Variants in ATP6V1B1 observed in about 807,000 individuals in gnomAD.
ATP6V1B1 encodes the protein V-type proton ATPase subunit B, kidney isoform.
ATP6V1B1 carries 41 observed loss-of-function variants against 62.1 expected under a neutral mutation model. The observed-to-expected ratio is 0.66, with a 90% CI of 0.51 to 0.86. ATP6V1B1 has a LOEUF of 0.86. Among genes scored for constraint, ATP6V1B1 ranks in the 40% least tolerant of loss-of-function variants. The pLI is 0.00. For synonymous variants in ATP6V1B1, 253 were observed against 273.4 expected, an observed-to-expected ratio of 0.93 and a Z score of 0.74; for missense variants, 651 against 697.5, an observed-to-expected ratio of 0.93 and a Z score of 0.75.
chr2:70,959,076 G>A lies in ATP6V1B1; in HGVS notation c.426G>A (p.Glu142=). 6.2e-7 allele frequency: 1 copy of A among 1,614,144 alleles called. No individual in the cohort carries two copies. Among genetic ancestry groups the A allele is most frequent in the Non-Finnish European group, 8.5e-7 (1 of 1,180,030 alleles). Residue 142 remains glutamate (E), a synonymous_variant, in exon 5 of 14, where the codon GAG becomes GAA. Transcript: ENST00000234396. This position sits in a 1 kb window ranked among gnomAD's most constrained non-coding sequence, Gnocchi z 4.2. ...PIDKGPVVMA[E]DFLDINGQPI... is the part of the protein sequence containing the mutation. ...ACAAGGGGCCAGTGGTCATGGCGGA[G>A]GACTTTCTGGATATCAATGGTGAGT...
At chr2:70,940,830 G>A in intron 1 of ATP6V1B1, 2 of 985,290 alleles carry the variant, frequency 2.0e-6, no homozygotes, top group Non-Finnish European at 2.4e-6. Context: ...ATGAGAAGGA[G>A]CAGATGGGGT....
chr2:70,965,276 C>A lies in ATP6V1B1; in HGVS notation c.*155C>A. On this transcript the variant is annotated 3_prime_UTR_variant, in exon 14 of 14. Coordinates refer to ENST00000234396, the MANE Select transcript of ATP6V1B1 (RefSeq NM_001692.4). Reference sequence around the variant, plus strand: ...GGCGCCGCACGCTCCATCCCTTTCCCTCGCTCGATTCCTTTTCCCGCGCTC... The same window carrying A: ...GGCGCCGCACGCTCCATCCCTTTCCATCGCTCGATTCCTTTTCCCGCGCTC... The A allele has an allele frequency of 9.2e-7, 1 of 1,082,784 alleles. No homozygotes were observed. The highest frequency in any genetic ancestry group is 1.3e-6 in the Non-Finnish European group (1 of 761,958). The allele number at this position is 1,082,784 out of a possible 1,614,324, so 67.1% of individuals were successfully genotyped here.
Position 70,962,885 on chromosome 2 carries a change from A to C in ATP6V1B1, c.894A>C (p.Ala298=). ...LVILTDMSSY[A]EALREVSAAR... ...TACTGACGGACATGAGTTCCTATGC[A>C]GAGGCCTTGCGGGAGGTAAGCTGGC... The change falls in exon 9 of 14, where the codon GCA becomes GCC. Residue 298 remains alanine, a synonymous_variant. Transcript: ENST00000234396. The C allele has an allele frequency of 6.2e-7, 1 of 1,614,140 alleles. No individual in the cohort carries two copies. Among genetic ancestry groups the C allele is most frequent in the African/African-American group, 1.3e-5 (1 of 75,046 alleles).
chr2:70,957,359 C>T (rs1378353771), intron 2 of ATP6V1B1, among the ~76,000 whole-genome samples: 3 of 151,982 alleles, frequency 2.0e-5, no homozygotes, highest in African/African-American at 7.3e-5. Context: ...CTCGGCCTCC[C>T]AAATTGCTGG....
chr2:70,943,714 G>T lies in ATP6V1B1; in HGVS notation c.174+1G>T. ...CCTGGTGGTGCTGGACCGGGTCAAG[G>T]TAAGACTCTTCTGCTGCCTCCCTGG... On this transcript the variant is annotated splice_donor_variant, in intron 2 of 13. Transcript: ENST00000234396. LOFTEE classifies it high-confidence loss of function. 4.3e-6 allele frequency: 7 copies of T among 1,613,678 alleles called. No individual in the cohort carries two copies. Among genetic ancestry groups the T allele is most frequent in the Non-Finnish European group, 5.9e-6 (7 of 1,179,966 alleles).
At chr2:70,941,666 T>G (rs1340238911) in intron 1 of ATP6V1B1, 1 of 936,184 alleles carries the variant, frequency 1.1e-6, no homozygotes, top group African/African-American at 1.8e-5. Flanking sequence ...TTGCCTAGCT[T>G]AGTACATAGA....
At chr2:70,956,933 T>C (rs936463910) in intron 2 of ATP6V1B1, among the ~76,000 whole-genome samples, 11 of 152,124 alleles carry the variant, frequency 7.2e-5, no homozygotes, top group African/African-American at 2.2e-4. Context: ...GGCATCTATC[T>C]CATTGTGGTT....
intron 1 of ATP6V1B1, 168 bp from the exon 2 acceptor site, chr2:70,943,490 T>C: frequency 2.6e-6 from 2 of 765,092 alleles, no homozygotes; most frequent in Non-Finnish European, 4.5e-6. Context: ...GGCAGGGGCA[T>C]GACCCTTACA....
intron 2 of ATP6V1B1, among the ~76,000 whole-genome samples, chr2:70,944,586 C>T (rs1680100035): frequency 6.6e-6 from 1 of 152,092 alleles, no homozygotes; most frequent in African/African-American, 2.4e-5. Flanking sequence ...CCTATCCTGT[C>T]TCCATCCTCC....
chr2:70,959,015 C>T lies in ATP6V1B1; in HGVS notation c.368-3C>T, dbSNP rs782281671. The T allele has an allele frequency of 6.2e-7, 1 of 1,614,080 alleles. No individual in the cohort carries two copies. Among genetic ancestry groups the T allele is most frequent in the Admixed American group, 1.7e-5 (1 of 60,016 alleles). Reference sequence around the variant, plus strand: ...CCCTGCAACACTCCTCGTCCACCCTCAGGTCGGGTTTTCAATGGCTCCGGC... The same window carrying T: ...CCCTGCAACACTCCTCGTCCACCCTTAGGTCGGGTTTTCAATGGCTCCGGC... On this transcript the variant is annotated splice_region_variant and splice_polypyrimidine_tract_variant and intron_variant, in intron 4 of 13. Transcript: ENST00000234396. This position sits in a 1 kb window ranked among gnomAD's most constrained non-coding sequence, Gnocchi z 4.2.
At chr2:70,964,345 A>G (rs1328893613) in intron 11 of ATP6V1B1, 93 bp from the exon 12 acceptor site, 2 of 1,326,970 alleles carry the variant, frequency 1.5e-6, no homozygotes, top group Non-Finnish European at 2.2e-6. Flanking sequence ...GGAATGTAGG[A>G]TAAGTGAGGA....
chr2:70,937,676 C>T lies in ATP6V1B1; in HGVS notation c.118+1604C>T, dbSNP rs186677666. Among the ~76,000 whole-genome samples the T allele has an allele frequency of 1.4e-4, 22 of 152,052 alleles. No homozygotes were observed. In the East Asian group the frequency reaches 3.1e-3, roughly 21 times the overall value. On this transcript the variant is annotated intron_variant, in intron 1 of 13. Transcript: ENST00000234396. ...GCCGTCCCTCCTCCCTGCAGGCACC[C>T]GGGAGTTGCTGGGTGCTGAGTGTGG...
intron 2 of ATP6V1B1, among the ~76,000 whole-genome samples, chr2:70,956,921 G>T (rs1439987076): frequency 1.3e-5 from 2 of 152,064 alleles, no homozygotes; most frequent in Non-Finnish European, 2.9e-5. Flanking sequence ...AGTGTGTGAA[G>T]TGGCATCTAT....
rs782551196 is a variant in ATP6V1B1, at chr2:70,963,234, A to T, written c.982A>T (p.Ile328Phe). The change falls in exon 10 of 14, where the codon ATC becomes TTC. Residue 328 changes from isoleucine to phenylalanine, a missense_variant. Ile to Phe is a conservative substitution (Grantham distance 21). Coordinates refer to ENST00000234396, the MANE Select transcript of ATP6V1B1 (RefSeq NM_001692.4). This position sits in a 1 kb window ranked among gnomAD's most constrained non-coding sequence, Gnocchi z 4.3. ...PGYMYTDLATIYERAGRVEGR... is the reference protein window; with the variant it reads ...PGYMYTDLATFYERAGRVEGR... ...ATATATGTACACAGACCTGGCCACCATCTACGAGCGGGCGGGCCGCGTGGA... is the reference window on the plus strand; with the variant it reads ...ATATATGTACACAGACCTGGCCACCTTCTACGAGCGGGCGGGCCGCGTGGA... The T allele has an allele frequency of 1.9e-6, 3 of 1,613,912 alleles. No individual in the cohort carries two copies. Among genetic ancestry groups the T allele is most frequent in the South Asian group, 2.2e-5 (2 of 91,084 alleles).
chr2:70,957,980 C>A, intron 2 of ATP6V1B1, 66 bp from the exon 3 acceptor site: 1 of 1,449,142 alleles, frequency 6.9e-7, no homozygotes, highest in Non-Finnish European at 9.6e-7. Flanking sequence ...TCAGGGAGGG[C>A]CGGAGGAGGA....
intron 1 of ATP6V1B1, chr2:70,939,979 T>C (rs1196796480): frequency 2.0e-5 from 3 of 152,252 alleles, no homozygotes; most frequent in Admixed American, 6.5e-5. Context: ...TGCTAAGATG[T>C]TGAGCTTCGA....
chr2:70,944,062 C>A (rs1680084336), intron 2 of ATP6V1B1: 1 of 1,305,870 alleles, frequency 7.7e-7, no homozygotes, highest in Non-Finnish European at 9.9e-7. Context: ...CACAGCACGG[C>A]TGTACCTAAC....
At chr2:70,960,780 AG>A in intron 6 of ATP6V1B1, 140 bp from the exon 7 acceptor site, 5 of 221,120 alleles carry the variant, frequency 2.3e-5, no homozygotes, top group South Asian at 1.4e-4. Context: ...CCCCACCCCA[AG>A]AAAGACTAGC....
Position 70,963,296 on chromosome 2 carries a change from C to T in ATP6V1B1, c.1044C>T (p.Leu348=), listed in dbSNP as rs2104831994. 1 of 1,613,382 alleles carries T rather than the reference C, an allele frequency of 6.2e-7. No individual in the cohort carries two copies. ...RGGSITQIPI[L]TMPNDDITHP... is the part of the protein sequence containing the mutation. ...GATCCATCACACAGATCCCCATCCT[C>T]ACCATGCCCAACGACGGTAGCCTCC... The change falls in exon 10 of 14, where the codon CTC becomes CTT. Residue 348 remains leucine (L), a synonymous_variant. Coordinates refer to ENST00000234396, the MANE Select transcript of ATP6V1B1 (RefSeq NM_001692.4). The surrounding 1 kb of genome is among the most constrained non-coding windows in gnomAD (Gnocchi z 4.3).
Sources: allele counts gnomAD v4.1 joint callset (sites outside exome capture counted in the v4.1 genomes callset), GRCh38; gene constraint gnomAD v4.1.1; non-coding constraint Gnocchi (gnomAD v3.1); transcripts MANE v1.5; gene names NCBI Gene and HGNC (gene_info 2026-07-23, HGNC 2026-07-21).